Variants in CHN2 observed in about 807,000 individuals in gnomAD.
CHN2 encodes beta-chimaerin.
In CHN2, 35 loss-of-function variants were observed where a neutral mutation model predicts 56.3. The ratio of observed to expected loss-of-function variants is 0.62; its 90% CI spans 0.47 to 0.82. CHN2 has a LOEUF of 0.82. CHN2 is among the 40% of genes least tolerant of loss of function. CHN2 has a pLI of 0.00. For synonymous variants in CHN2, 210 were observed against 212.8 expected, an observed-to-expected ratio of 0.99 and a Z score of 0.12; for missense variants, 491 against 580.5, an observed-to-expected ratio of 0.85 and a Z score of 1.58.
intron 2 of CHN2, among the ~76,000 whole-genome samples, chr7:29,177,031 GA>G (rs201329371): frequency 0.01 from 1,585 of 151,998 alleles, 23 homozygotes; most frequent in African/African-American, 0.036. Flanking sequence ...AAAGAGAGGG[GA>G]AAAAATATAG....
At chr7:29,187,437 T>G (rs747097681) in intron 2 of CHN2, among the ~76,000 whole-genome samples, 24 of 152,042 alleles carry the variant, frequency 1.6e-4, no homozygotes, top group Non-Finnish European at 2.9e-4. Flanking sequence ...AAGATTCTGA[T>G]GTATGGCCAG....
intron 2 of CHN2, among the ~76,000 whole-genome samples, chr7:29,179,431 A>C (rs1797788523): frequency 6.6e-6 from 1 of 152,218 alleles, no homozygotes; most frequent in Non-Finnish European, 1.5e-5. Context: ...CTCAGGCTGA[A>C]GTTTTGCAGT....
chr7:29,216,765 G>T (rs1358824435), intron 1 of CHN2, among the ~76,000 whole-genome samples: 1 of 152,192 alleles, frequency 6.6e-6, no homozygotes, highest in Non-Finnish European at 1.5e-5. Flanking sequence ...CAATTTTTTA[G>T]TGCAGATTAT....
rs528333452 is a variant in CHN2, at chr7:29,230,292, G to A, written c.49+35302G>A. ...GTATTGTCTTACTAAACAAAAATTC[G>A]TTGTAAAAATAACTTACCTAAATCT... is the stretch of plus-strand genomic sequence containing the variant. On this transcript the variant is annotated intron_variant, in intron 1 of 12. Transcript: ENST00000222792. 9.4e-4 allele frequency among the ~76,000 whole-genome samples: 143 copies of A among 152,274 alleles called. 1 individual carries two copies. Among genetic ancestry groups the A allele is most frequent in the African/African-American group, 3.0e-3 (125 of 41,560 alleles).
chr7:29,407,192 G>C (rs1475376702), intron 6 of CHN2, among the ~76,000 whole-genome samples: 1 of 152,112 alleles, frequency 6.6e-6, no homozygotes, highest in Non-Finnish European at 1.5e-5. Context: ...TGAGGCACCC[G>C]GCTCAATAGC....
chr7:29,509,919 G>A (rs928187421), intron 12 of CHN2, among the ~76,000 whole-genome samples: 2 of 152,136 alleles, frequency 1.3e-5, no homozygotes, highest in Non-Finnish European at 2.9e-5. Flanking sequence ...CTGATGCCTG[G>A]GGAGGTTACA....
At chr7:29,250,711 C>CTT (rs529820110) in intron 1 of CHN2, among the ~76,000 whole-genome samples, 10 of 110,208 alleles carry the variant, frequency 9.1e-5, no homozygotes, top group East Asian at 2.1e-4. Context: ...TGAACTTCTT[C>CTT]TTTTTTTTTT....
intron 1 of CHN2, among the ~76,000 whole-genome samples, chr7:29,305,737 T>C (rs1794088073): frequency 6.6e-6 from 1 of 152,086 alleles, no homozygotes; most frequent in Non-Finnish European, 1.5e-5. Context: ...AAAAAGAATG[T>C]GCATCTATTT....
intron 7 of CHN2, 52 bp from the exon 8 acceptor site, chr7:29,495,900 G>A (rs1789217221): frequency 6.7e-7 from 1 of 1,494,702 alleles, no homozygotes; most frequent in African/African-American, 1.4e-5. Flanking sequence ...GAGGCTACCT[G>A]CCTTTAAATG....
At chr7:29,270,326 G>A (rs1030344102) in intron 1 of CHN2, among the ~76,000 whole-genome samples, 1 of 151,910 alleles carries the variant, frequency 6.6e-6, no homozygotes, top group Middle Eastern at 3.2e-3. Context: ...TTAAATGAAG[G>A]AGCTGCATTC....
intron 1 of CHN2, among the ~76,000 whole-genome samples, chr7:29,236,207 T>C (rs1482612487): frequency 6.6e-6 from 1 of 151,928 alleles, no homozygotes; most frequent in African/African-American, 2.4e-5. Flanking sequence ...AGGGGAAGAG[T>C]AGAATTTCTG....
At chr7:29,300,721 G>A (rs943236046) in intron 1 of CHN2, among the ~76,000 whole-genome samples, 5 of 152,140 alleles carry the variant, frequency 3.3e-5, no homozygotes, top group African/African-American at 1.2e-4. Context: ...ATTAGCAGGT[G>A]ATTATTTGAA....
chr7:29,433,889 G>A (rs539216045), intron 6 of CHN2, among the ~76,000 whole-genome samples: 2 of 150,890 alleles, frequency 1.3e-5, no homozygotes, highest in Non-Finnish European at 3.0e-5. Context: ...GAGGAAGGGA[G>A]GAAGGGATGA....
intron 1 of CHN2, among the ~76,000 whole-genome samples, chr7:29,288,131 A>T (rs868519306): frequency 6.6e-6 from 1 of 152,168 alleles, no homozygotes; most frequent in Non-Finnish European, 1.5e-5. Context: ...AACACACTGA[A>T]TGGGGAAGGT....
At chr7:29,400,406 G>GA (rs528102352) in intron 5 of CHN2, 137 bp from the exon 6 acceptor site, 299 of 821,480 alleles carry the variant, frequency 3.6e-4, no homozygotes, top group East Asian at 3.0e-3. Flanking sequence ...AGCGTTAGGG[G>GA]AAAAAAAATC....
At chr7:29,315,493 A>C (rs1320724747) in intron 1 of CHN2, among the ~76,000 whole-genome samples, 2 of 152,236 alleles carry the variant, frequency 1.3e-5, no homozygotes, top group Non-Finnish European at 2.9e-5. Context: ...TTACAATAAT[A>C]GGATCACCTT....
rs549216308 is a variant in CHN2, at chr7:29,410,488, G to A, written c.576+9660G>A. On this transcript the variant is annotated intron_variant, in intron 6 of 12. Transcript: ENST00000222792. ...ATAGGTTTGAGGTGAGAAATGGAGA[G>A]TATATTTGCATTATGTCTGTGGGTC... Among the ~76,000 whole-genome samples, 179 of 151,744 alleles carry A rather than the reference G, an allele frequency of 1.2e-3. 1 individual carries two copies. The highest frequency in any genetic ancestry group is 2.1e-3 in the Non-Finnish European group (140 of 67,910).
At chr7:29,223,688 G>A (rs1291278985) in intron 1 of CHN2, among the ~76,000 whole-genome samples, 1 of 151,804 alleles carries the variant, frequency 6.6e-6, no homozygotes, top group Non-Finnish European at 1.5e-5. Flanking sequence ...TAGACTCTTG[G>A]GTTGCTTCCA....
Position 29,440,461 on chromosome 7 carries a change from C to T in CHN2, c.576+39633C>T, listed in dbSNP as rs149598426. ...ATCTTAGCACTTTGGGAGGCCGAGG[C>T]GGGTGGATCACCTGAGATCAGGGGT... On this transcript the variant is annotated intron_variant, in intron 6 of 12. Transcript: ENST00000222792. Among the ~76,000 whole-genome samples the T allele has an allele frequency of 3.1e-3, 466 of 152,004 alleles. 3 individuals are homozygous for T. Among genetic ancestry groups the T allele is most frequent in the Non-Finnish European group, 4.6e-3 (312 of 67,972 alleles).
Sources: gnomAD v4.1 joint callset for allele counts (sites outside exome capture counted in the v4.1 genomes callset) on GRCh38, gnomAD v4.1.1 for gene constraint, MANE v1.5 for transcripts, NCBI Gene and HGNC (gene_info 2026-07-23, HGNC 2026-07-21) for gene names.